The following PTPRT variants were observed in gnomAD, a reference collection of about 807,000 sequenced individuals.
PTPRT encodes the protein protein tyrosine phosphatase receptor type T.
Under a neutral mutation model 176.8 loss-of-function variants are expected in PTPRT, and 56 were observed. The ratio of observed to expected loss-of-function variants is 0.32; its 90% CI spans 0.26 to 0.40. PTPRT has a LOEUF of 0.40. Ranked by LOEUF, PTPRT falls within the 10% of genes least tolerant of loss-of-function variation. PTPRT has a pLI of 1.00. For missense variants in PTPRT, 1,540 were observed against 1,908.2 expected (o/e 0.81, Z 3.60); for synonymous variants, 783 against 739.0 (o/e 1.06, Z -0.96).
chr20:42,081,640 G>A (rs1268654585), intron 30 of PTPRT, among the ~76,000 whole-genome samples: 2 of 152,172 alleles, frequency 1.3e-5, no homozygotes, highest in African/African-American at 4.8e-5. Context: ...TAAGGAATGG[G>A]CAGAAAGTGA....
chr20:43,122,010 C>T (rs1299951700), intron 1 of PTPRT, among the ~76,000 whole-genome samples: 1 of 152,166 alleles, frequency 6.6e-6, no homozygotes, highest in Non-Finnish European at 1.5e-5. Context: ...AACCCAGGCT[C>T]TTGATCACCT....
intron 7 of PTPRT, among the ~76,000 whole-genome samples, chr20:42,658,838 GA>G (rs1279971424): frequency 1.3e-5 from 2 of 151,960 alleles, no homozygotes; most frequent in African/African-American, 2.4e-5. Flanking sequence ...TGCATTTATT[GA>G]AGTAAAAAGG....
At position 42,356,555 on chromosome 20, in the gene PTPRT, G is replaced by A. The variant is rs1394149576; in HGVS notation, c.1561-4270C>T. 2.6e-5 allele frequency among the ~76,000 whole-genome samples: 4 copies of A among 152,208 alleles called. No individual in the cohort carries two copies. The East Asian group carries it at 7.8e-4, about 29-fold the overall frequency. On this transcript the variant is annotated intron_variant, in intron 9 of 30. Transcript: ENST00000373187. ...ATTAAAATTACAAAAAATTATCCAG[G>A]TGTGGTGGTGCATGCCTGTAACCCC...
At chr20:43,101,708 C>T (rs1441707092) in intron 1 of PTPRT, among the ~76,000 whole-genome samples, 1 of 152,132 alleles carries the variant, frequency 6.6e-6, no homozygotes. Context: ...CAATATGGGA[C>T]AGGCTAAGAG....
chr20:42,106,281 C>T (rs1986432986), intron 24 of PTPRT, among the ~76,000 whole-genome samples: 2 of 152,154 alleles, frequency 1.3e-5, no homozygotes, highest in Admixed American at 1.3e-4. Flanking sequence ...AGAGAGTTGC[C>T]TAAAGGTCTG....
At chr20:42,045,412 A>G in the PTPRT span, among the ~76,000 whole-genome samples, 2 of 151,552 alleles carry the variant, frequency 1.3e-5, no homozygotes, top group East Asian at 3.9e-4. Flanking sequence ...CAGGCAAGAA[A>G]GTTTCGTTGT....
At chr20:42,576,575 G>T in intron 7 of PTPRT, among the ~76,000 whole-genome samples, 1 of 152,144 alleles carries the variant, frequency 6.6e-6, no homozygotes. Flanking sequence ...GCCTGCCCTG[G>T]TTGGGATGGC....
chr20:42,987,737 C>A (rs1417874560), intron 1 of PTPRT, among the ~76,000 whole-genome samples: 1 of 152,114 alleles, frequency 6.6e-6, no homozygotes, highest in Non-Finnish European at 1.5e-5. Flanking sequence ...GACACCCCCA[C>A]ACCAAAATTC....
At chr20:42,513,819 C>T (rs1282959179) in intron 7 of PTPRT, among the ~76,000 whole-genome samples, 2 of 152,224 alleles carry the variant, frequency 1.3e-5, no homozygotes, top group Non-Finnish European at 2.9e-5. Flanking sequence ...TGCTTATATA[C>T]ATAAGCAGTG....
At chr20:42,088,991 C>T (rs1467453171) in intron 27 of PTPRT, among the ~76,000 whole-genome samples, 2 of 152,042 alleles carry the variant, frequency 1.3e-5, no homozygotes, top group Non-Finnish European at 2.9e-5. Flanking sequence ...TTCTTATCGC[C>T]CCTCATAAAT....
At chr20:42,212,416 C>CAAAAAAAAAAAAA in intron 15 of PTPRT, among the ~76,000 whole-genome samples, 1 of 90,610 alleles carries the variant, frequency 1.1e-5, no homozygotes, top group Non-Finnish European at 2.3e-5. Context: ...TCTTTTTTCT[C>CAAAAAAAAAAAAA]AAAAAAAAAA....
intron 3 of PTPRT, among the ~76,000 whole-genome samples, chr20:42,790,482 G>A (rs1749326301): frequency 6.6e-6 from 1 of 152,088 alleles, no homozygotes; most frequent in African/African-American, 2.4e-5. Context: ...ACCATGGACA[G>A]TATGAGCAGC....
chr20:42,093,648 C>T (rs1984873291), intron 27 of PTPRT, among the ~76,000 whole-genome samples: 1 of 152,218 alleles, frequency 6.6e-6, no homozygotes, highest in African/African-American at 2.4e-5. Context: ...CCCAGGCAAA[C>T]CACAGGAGAT....
At chr20:43,052,444 A>C (rs1401062642) in intron 1 of PTPRT, among the ~76,000 whole-genome samples, 1 of 152,236 alleles carries the variant, frequency 6.6e-6, no homozygotes, top group African/African-American at 2.4e-5. Flanking sequence ...ACACAGCAAA[A>C]AGCTAGGTGT....
In PTPRT at chr20:43,043,601, C is replaced by T. The variant is rs111730555; in HGVS notation, c.88+146045G>A. On this transcript the variant is annotated intron_variant, in intron 1 of 30. Coordinates refer to ENST00000373187, the MANE Select transcript of PTPRT (RefSeq NM_007050.6). The stretch of plus-strand genomic sequence containing the variant: ...TACACAGCCTACATGCAGCCAACCC[C>T]GCCTTGAGCCTTTCTGCCTCTGAGC... 6.6e-3 allele frequency among the ~76,000 whole-genome samples: 999 copies of T among 152,280 alleles called. 9 individuals are homozygous for T. The highest frequency in any genetic ancestry group is 0.023 in the African/African-American group (970 of 41,558).
In PTPRT at chr20:42,224,485, T is replaced by C. The variant is rs116025657; in HGVS notation, c.2342+11744A>G. ...TCAAGTTCCATCATCATACTCAAAC[T>C]CATGTTTATCTGATGATTGTATGGG... On this transcript the variant is annotated intron_variant, in intron 15 of 30. Transcript: ENST00000373187. Among the ~76,000 whole-genome samples the C allele has an allele frequency of 4.5e-3, 692 of 152,288 alleles. 13 individuals carry two copies. The highest frequency in any genetic ancestry group is 0.015 in the African/African-American group (636 of 41,556).
chr20:43,138,683 G>A (rs954955581), intron 1 of PTPRT, among the ~76,000 whole-genome samples: 7 of 152,014 alleles, frequency 4.6e-5, no homozygotes, highest in Non-Finnish European at 7.4e-5. Flanking sequence ...TCGCATCTCC[G>A]CCCACTCTAC....
intron 8 of PTPRT, among the ~76,000 whole-genome samples, chr20:42,456,856 T>A (rs1048018854): frequency 3.9e-5 from 6 of 152,166 alleles, no homozygotes; most frequent in African/African-American, 1.4e-4. Context: ...TCCTTTCTCA[T>A]AAAGTGTGTA....
intron 2 of PTPRT, among the ~76,000 whole-genome samples, chr20:42,822,946 G>C (rs972146198): frequency 1.3e-5 from 2 of 151,936 alleles, no homozygotes; most frequent in African/African-American, 4.8e-5. Flanking sequence ...ACTGTTGGTA[G>C]GAATGTAACA....
Sources: allele counts gnomAD v4.1 joint callset (sites outside exome capture counted in the v4.1 genomes callset), GRCh38; gene constraint gnomAD v4.1.1; transcripts MANE v1.5; gene names NCBI Gene and HGNC (gene_info 2026-07-23, HGNC 2026-07-21).